Variants in PCDHGB7 observed in about 807,000 individuals in gnomAD.
PCDHGB7 encodes the protein protocadherin gamma-B7.
Under a neutral mutation model 61.4 loss-of-function variants are expected in PCDHGB7, and 37 were observed. That is an observed-to-expected ratio of 0.60 (90% CI 0.46 to 0.79). PCDHGB7 has a LOEUF of 0.79. Ranked by LOEUF, PCDHGB7 falls within the 30% of genes least tolerant of loss-of-function variation. The pLI is 0.00. For synonymous variants in PCDHGB7, 464 were observed against 503.5 expected (o/e 0.92, Z 1.05); for missense variants, 1,166 against 1,202.5 (o/e 0.97, Z 0.45).
rs754177868 is a variant in PCDHGB7 at position 141,418,398 on chromosome 5, T to C, written c.539T>C (p.Leu180Ser). 1 of 1,613,842 alleles carries C rather than the reference T, an allele frequency of 6.2e-7. No individual in the cohort carries two copies. Among genetic ancestry groups the C allele is most frequent in the South Asian group, 1.1e-5 (1 of 91,078 alleles). ...YQLSPNEYFS[L>S]VEKDNPDGGK... ...CTAAGTCCTAACGAGTATTTCTCAT[T>C]GGTGGAGAAAGACAATCCTGATGGT... Residue 180 changes from leucine (L) to serine (S), a missense_variant, in exon 1 of 4, where the codon TTG becomes TCG. Leu to Ser is a moderately radical substitution (Grantham distance 145). Coordinates refer to ENST00000398594, the MANE Select transcript of PCDHGB7 (RefSeq NM_018927.4).
Position 141,418,681 on chromosome 5 carries a change from C to T in PCDHGB7, c.822C>T (p.Asn274=), listed in dbSNP as rs778899235. ...CCACTGACCAGGACGAGGGCATCAACTCAGAGATCACTTATTCCTTCTTTG... is the reference window on the plus strand; with the variant it reads ...CCACTGACCAGGACGAGGGCATCAATTCAGAGATCACTTATTCCTTCTTTG... The part of the protein sequence containing the change: ...VKATDQDEGI[N]SEITYSFFGV... Residue 274 remains asparagine, a synonymous_variant, in exon 1 of 4, where the codon AAC becomes AAT. Coordinates refer to ENST00000398594, the MANE Select transcript of PCDHGB7 (RefSeq NM_018927.4). The T allele has an allele frequency of 1.2e-6, 2 of 1,614,052 alleles. No individual in the cohort carries two copies. The highest frequency in any genetic ancestry group is 1.7e-6 in the Non-Finnish European group (2 of 1,179,904).
At chr5:141,471,111 C>T (rs529680278) in intron 1 of PCDHGB7, among the ~76,000 whole-genome samples, 1 of 146,150 alleles carries the variant, frequency 6.8e-6, no homozygotes, top group African/African-American at 2.6e-5. Flanking sequence ...TGCAGTGGTG[C>T]GATCTTACCT....
At chr5:141,506,668 C>A (rs2099855518) in intron 3 of PCDHGB7, among the ~76,000 whole-genome samples, 1 of 152,100 alleles carries the variant, frequency 6.6e-6, no homozygotes, top group Admixed American at 6.6e-5. Context: ...AGTAAGGGCA[C>A]AATATATTAT....
In PCDHGB7 at chr5:141,431,155, C is replaced by T; in HGVS notation, c.2415+10881C>T. On this transcript the variant is annotated intron_variant, in intron 1 of 3. Transcript: ENST00000398594. This position sits in a 1 kb window ranked among gnomAD's most constrained non-coding sequence, Gnocchi z 4.8. ...GGGACATTAACGACAATGCGCCTTA[C>T]TTTCGTGAAAGTGAATTAGAAATAA... is the stretch of plus-strand genomic sequence containing the variant. 6.2e-7 allele frequency: 1 copy of T among 1,614,212 alleles called. No homozygotes were observed. Among genetic ancestry groups the T allele is most frequent in the Non-Finnish European group, 8.5e-7 (1 of 1,180,032 alleles).
intron 1 of PCDHGB7, among the ~76,000 whole-genome samples, chr5:141,445,078 G>T (rs1591839605): frequency 6.6e-6 from 1 of 152,208 alleles, no homozygotes; most frequent in East Asian, 1.9e-4. Flanking sequence ...TCATTAAATT[G>T]TCCCTACATA....
intron 2 of PCDHGB7, among the ~76,000 whole-genome samples, chr5:141,504,036 G>T (rs1472706342): frequency 6.6e-6 from 1 of 152,080 alleles, no homozygotes; most frequent in African/African-American, 2.4e-5. Flanking sequence ...ACTCATTTAG[G>T]CAACAAATAT....
intron 2 of PCDHGB7, among the ~76,000 whole-genome samples, chr5:141,499,869 G>A (rs1247615457): frequency 3.3e-5 from 5 of 151,938 alleles, no homozygotes; most frequent in Non-Finnish European, 5.9e-5. Context: ...TGTATTTTCA[G>A]TACAAACAGG....
rs750217981 is a variant in PCDHGB7 at position 141,418,685 on chromosome 5, G to A, written c.826G>A (p.Glu276Lys). Residue 276 changes from glutamate (E) to lysine (K), a missense_variant, in exon 1 of 4, where the codon GAG becomes AAG. By Grantham distance (56) the Glu-to-Lys change is moderately conservative (BLOSUM62 1). Coordinates refer to ENST00000398594, the MANE Select transcript of PCDHGB7 (RefSeq NM_018927.4). Reference sequence around the variant, plus strand: ...TGACCAGGACGAGGGCATCAACTCAGAGATCACTTATTCCTTCTTTGGTGT... The same window carrying A: ...TGACCAGGACGAGGGCATCAACTCAAAGATCACTTATTCCTTCTTTGGTGT... Reference protein sequence around the residue: ...ATDQDEGINSEITYSFFGVAD... With the variant: ...ATDQDEGINSKITYSFFGVAD... 1 of 1,614,056 alleles carries A rather than the reference G, an allele frequency of 6.2e-7. No individual in the cohort carries two copies. Among genetic ancestry groups the A allele is most frequent in the African/African-American group, 1.3e-5 (1 of 75,062 alleles).
intron 2 of PCDHGB7, among the ~76,000 whole-genome samples, chr5:141,502,866 C>CTTTTTTT (rs549047197): frequency 0.02 from 2,590 of 127,990 alleles, 216 homozygotes; most frequent in African/African-American, 0.075. Flanking sequence ...GACTCTCTGT[C>CTTTTTTT]TTTTTTTTTT....
In PCDHGB7 at chr5:141,494,849, A is replaced by C; in HGVS notation, c.2458A>C (p.Arg820=). ...NTDWRFSQAQ[R]PGTSGSQNGD... ...GGACTGGCGTTTCTCTCAGGCCCAG[A>C]GACCCGGCACCAGCGGGTAGGTGAC... Residue 820 remains arginine, a synonymous_variant, in exon 2 of 4, where the codon AGA becomes CGA. Transcript: ENST00000398594. 1 of 1,614,102 alleles carries C rather than the reference A, an allele frequency of 6.2e-7. No individual in the cohort carries two copies. Among genetic ancestry groups the C allele is most frequent in the Non-Finnish European group, 8.5e-7 (1 of 1,180,014 alleles).
chr5:141,467,095 C>G (rs930625426), intron 1 of PCDHGB7, among the ~76,000 whole-genome samples: 2 of 150,094 alleles, frequency 1.3e-5, no homozygotes, highest in African/African-American at 4.9e-5. Context: ...CTCTGTCACA[C>G]AGGCTGGAGT....
At position 141,477,891 on chromosome 5, in the gene PCDHGB7, G is replaced by A. The variant is rs750359063; in HGVS notation, c.2416-16916G>A. 130 of 1,614,066 alleles carry A rather than the reference G, an allele frequency of 8.1e-5. 1 individual carries two copies. The highest frequency in any genetic ancestry group is 1.1e-4 in the Non-Finnish European group (125 of 1,180,050). On this transcript the variant is annotated intron_variant, in intron 1 of 3. Coordinates refer to ENST00000398594, the MANE Select transcript of PCDHGB7 (RefSeq NM_018927.4). The surrounding 1 kb of genome is among the most constrained non-coding windows in gnomAD (Gnocchi z 4.9). The stretch of plus-strand genomic sequence containing the variant: ...ACCTCAGCTGGCCACCTAGTGTCAC[G>A]GGTGGTAGGCTGGGACGCGGATGCA...
intron 1 of PCDHGB7, chr5:141,430,857 A>C (rs748992376): frequency 1.9e-6 from 3 of 1,591,316 alleles, no homozygotes; most frequent in Non-Finnish European, 2.6e-6. Flanking sequence ...CAGATACGCT[A>C]TTCAGTTCCG....
chr5:141,476,190 C>T lies in PCDHGB7; in HGVS notation c.2416-18617C>T. On this transcript the variant is annotated intron_variant, in intron 1 of 3. Transcript: ENST00000398594. The surrounding 1 kb of genome is among the most constrained non-coding windows in gnomAD (Gnocchi z 7.6). ...GTGGGAGTTTTGCTTCTGCTTGGTG[C>T]CTTGAACAAGGCTTCCACGGTCATT... is the stretch of plus-strand genomic sequence containing the variant. 3.1e-6 allele frequency: 5 copies of T among 1,613,694 alleles called. No individual in the cohort carries two copies. The highest frequency in any genetic ancestry group is 4.2e-6 in the Non-Finnish European group (5 of 1,179,988).
At position 141,487,700 on chromosome 5, in the gene PCDHGB7, C is replaced by A; in HGVS notation, c.2416-7107C>A. On this transcript the variant is annotated intron_variant, in intron 1 of 3. Coordinates refer to ENST00000398594, the MANE Select transcript of PCDHGB7 (RefSeq NM_018927.4). This position sits in a 1 kb window ranked among gnomAD's most constrained non-coding sequence, Gnocchi z 5.0. ...AGGCCATGTCCTAGAGAGTACTGGCCTCTCAGTAAGTGCCCATAGTGATGT... is the reference window on the plus strand; with the variant it reads ...AGGCCATGTCCTAGAGAGTACTGGCATCTCAGTAAGTGCCCATAGTGATGT... The A allele has an allele frequency of 6.3e-7, 1 of 1,597,514 alleles. No homozygotes were observed. Among genetic ancestry groups the A allele is most frequent in the African/African-American group, 1.3e-5 (1 of 74,868 alleles).
In PCDHGB7 at chr5:141,432,446, C is replaced by T. The variant is rs765059815; in HGVS notation, c.2415+12172C>T. The T allele has an allele frequency of 1.2e-6, 2 of 1,614,256 alleles. No individual in the cohort carries two copies. Among genetic ancestry groups the T allele is most frequent in the Non-Finnish European group, 8.5e-7 (1 of 1,180,052 alleles). On this transcript the variant is annotated intron_variant, in intron 1 of 3. Transcript: ENST00000398594. The surrounding 1 kb of genome is among the most constrained non-coding windows in gnomAD (Gnocchi z 6.0). ...CCAGAACGACAATGCGCCCGAGATC[C>T]TGTACCCCGCCCTCCCCACGGACGG...
At chr5:141,421,892 T>C in intron 1 of PCDHGB7, 1 of 1,613,684 alleles carries the variant, frequency 6.2e-7, no homozygotes, top group Non-Finnish European at 8.5e-7. Context: ...GGCGATCCCA[T>C]CCGAAAGGGC....
chr5:141,476,553 A>G lies in PCDHGB7; in HGVS notation c.2416-18254A>G. On this transcript the variant is annotated intron_variant, in intron 1 of 3. Coordinates refer to ENST00000398594, the MANE Select transcript of PCDHGB7 (RefSeq NM_018927.4). The surrounding 1 kb of genome is among the most constrained non-coding windows in gnomAD (Gnocchi z 7.6). ...CAGGAAATGAAATTGGAGATTAGCG[A>G]GGCCGTGGCTCCGGGGACGCGCTTT... The G allele has an allele frequency of 1.2e-6, 2 of 1,614,226 alleles. No homozygotes were observed. The highest frequency in any genetic ancestry group is 1.7e-6 in the Non-Finnish European group (2 of 1,180,040).
In PCDHGB7 at chr5:141,432,700, G is replaced by C. The variant is rs1320099367; in HGVS notation, c.2415+12426G>C. 4 of 1,613,980 alleles carry C rather than the reference G, an allele frequency of 2.5e-6. No individual in the cohort carries two copies. In the Admixed American group the frequency reaches 6.7e-5, roughly 27 times the overall value. ...AGCAGAGCCTCGTAGTGGCCGTCCA[G>C]GACCACGGCCAGCCCCCTCTCTCCG... On this transcript the variant is annotated intron_variant, in intron 1 of 3. Coordinates refer to ENST00000398594, the MANE Select transcript of PCDHGB7 (RefSeq NM_018927.4). The surrounding 1 kb of genome is among the most constrained non-coding windows in gnomAD (Gnocchi z 6.0).
Sources: allele counts gnomAD v4.1 joint callset (sites outside exome capture counted in the v4.1 genomes callset), GRCh38; gene constraint gnomAD v4.1.1; non-coding constraint Gnocchi (gnomAD v3.1); transcripts MANE v1.5; gene names NCBI Gene and HGNC (gene_info 2026-07-23, HGNC 2026-07-21).